The following USH2A variants were observed in gnomAD, a reference collection of about 807,000 sequenced individuals.
The protein encoded by USH2A is usherin, also known as Usher syndrome 2A (autosomal recessive, mild).
A neutral mutation model predicts 538.9 loss-of-function variants in USH2A; 443 were observed. The ratio of observed to expected loss-of-function variants is 0.82; its 90% CI spans 0.76 to 0.89. The LOEUF (loss-of-function observed/expected upper bound fraction) is 0.89, where lower values mean the gene tolerates loss of function less well. USH2A is among the 40% of genes least tolerant of loss of function. The pLI is 0.00. For missense variants in USH2A, 6,633 were observed against 6,324.8 expected (o/e 1.05, Z -1.65); for synonymous variants, 2,413 against 2,273.5 (o/e 1.06, Z -1.75).
intron 50 of USH2A, among the ~76,000 whole-genome samples, chr1:215,796,544 G>C (rs1429141890): frequency 6.6e-6 from 1 of 151,972 alleles, no homozygotes; most frequent in African/African-American, 2.4e-5. Context: ...TAGTTGATGA[G>C]CGTCCTGTGT....
intron 20 of USH2A, among the ~76,000 whole-genome samples, chr1:216,178,403 A>T (rs925745275): frequency 6.6e-6 from 1 of 152,204 alleles, no homozygotes. Flanking sequence ...AAAACAAAAT[A>T]AAAGGCTAAG....
chr1:215,980,431 C>G, intron 35 of USH2A, among the ~76,000 whole-genome samples: 1 of 152,034 alleles, frequency 6.6e-6, no homozygotes, highest in East Asian at 1.9e-4. Flanking sequence ...TTAAAAATCA[C>G]GTAATAAAAC....
chr1:215,968,087 C>G (rs1424623271), intron 36 of USH2A, among the ~76,000 whole-genome samples: 8 of 152,150 alleles, frequency 5.3e-5, no homozygotes, highest in Non-Finnish European at 8.8e-5. Flanking sequence ...GGGTTTCCCT[C>G]TAATACAATT....
Position 216,189,718 on chromosome 1 carries a change from C to T in USH2A, c.4396+505G>A, listed in dbSNP as rs558974897. On this transcript the variant is annotated intron_variant, in intron 20 of 71. Transcript: ENST00000307340. The stretch of plus-strand genomic sequence containing the variant: ...AAGCCAAATATAACACCAGGCCACA[C>T]AGTAATTTCTAGATGTTCCCATGGA... 2.6e-5 allele frequency among the ~76,000 whole-genome samples: 4 copies of T among 151,946 alleles called. No individual in the cohort carries two copies. The East Asian group carries it at 5.9e-4, about 22-fold the overall frequency.
chr1:215,960,064 A>C (rs1667161067), intron 37 of USH2A, among the ~76,000 whole-genome samples: 1 of 152,170 alleles, frequency 6.6e-6, no homozygotes, highest in African/African-American at 2.4e-5. Context: ...AGTAGTAAAG[A>C]AGCTGCCATT....
chr1:216,331,386 C>T (rs2037860792), intron 4 of USH2A, among the ~76,000 whole-genome samples: 1 of 152,062 alleles, frequency 6.6e-6, no homozygotes, highest in African/African-American at 2.4e-5. Context: ...GACCTCATAG[C>T]TGTCTAGTCA....
At chr1:215,810,635 C>T (rs1662642948) in intron 49 of USH2A, among the ~76,000 whole-genome samples, 2 of 152,146 alleles carry the variant, frequency 1.3e-5, no homozygotes, top group African/African-American at 4.8e-5. Flanking sequence ...AAACGTCCAT[C>T]TGATCACTGT....
intron 30 of USH2A, among the ~76,000 whole-genome samples, chr1:216,059,775 T>G (rs2031111739): frequency 6.6e-6 from 1 of 152,098 alleles, no homozygotes; most frequent in Non-Finnish European, 1.5e-5. Flanking sequence ...GTTTTTTCTT[T>G]GTTGTTGTTG....
chr1:215,627,178 A>C (rs1571912989), intron 71 of USH2A, among the ~76,000 whole-genome samples: 1 of 152,282 alleles, frequency 6.6e-6, no homozygotes, highest in African/African-American at 2.4e-5. Context: ...TAGTCAAGAA[A>C]GGCTTCATGG....
chr1:216,064,990 C>CA (rs900779472), intron 30 of USH2A, among the ~76,000 whole-genome samples: 4 of 152,008 alleles, frequency 2.6e-5, no homozygotes, highest in African/African-American at 4.8e-5. Flanking sequence ...AAAATTCAAA[C>CA]AAAAAAATCT....
intron 21 of USH2A, 88 bp downstream of exon 21, chr1:216,175,164 T>C: frequency 1.3e-6 from 2 of 1,576,558 alleles, no homozygotes; most frequent in Non-Finnish European, 1.7e-6. Context: ...GTAGGTATAA[T>C]AAAAATTCAT....
intron 70 of USH2A, among the ~76,000 whole-genome samples, chr1:215,630,998 AACTTAGCTAT>A (rs1445459895): frequency 3.3e-5 from 5 of 152,200 alleles, no homozygotes; most frequent in Non-Finnish European, 7.3e-5. Flanking sequence ...GCAAAACTTA[AACTTAGCTAT>A]ACTGTATACT....
chr1:215,692,206 C>A (rs531612888), intron 61 of USH2A, among the ~76,000 whole-genome samples: 22 of 152,028 alleles, frequency 1.4e-4, no homozygotes, highest in African/African-American at 4.8e-4. Context: ...AGGACAGAAA[C>A]CTGGTTGGAG....
chr1:216,194,239 T>C (rs1010597832), intron 19 of USH2A: 9 of 152,070 alleles, frequency 5.9e-5, no homozygotes, highest in African/African-American at 2.2e-4. Flanking sequence ...GGTAGAGTAC[T>C]AACAGTCCAC....
At chr1:216,243,181 T>C (rs899439229) in intron 13 of USH2A, among the ~76,000 whole-genome samples, 16 of 152,154 alleles carry the variant, frequency 1.1e-4, no homozygotes, top group Non-Finnish European at 2.2e-4. Context: ...AGTGAGTCTA[T>C]AAGGCAAAGC....
intron 47 of USH2A, among the ~76,000 whole-genome samples, chr1:215,835,919 CTT>C (rs1422002707): frequency 9.9e-5 from 15 of 151,948 alleles, no homozygotes; most frequent in Admixed American, 9.8e-4. Flanking sequence ...GTATAATACT[CTT>C]TTTAATGTTT....
chr1:216,004,461 A>T (rs1408393427), intron 32 of USH2A, among the ~76,000 whole-genome samples: 1 of 152,164 alleles, frequency 6.6e-6, no homozygotes, highest in East Asian at 1.9e-4. Context: ...AAATAAGATG[A>T]GAATTAAAAA....
At chr1:216,305,534 T>C (rs965035770) in intron 9 of USH2A, among the ~76,000 whole-genome samples, 1 of 152,160 alleles carries the variant, frequency 6.6e-6, no homozygotes, top group African/African-American at 2.4e-5. Flanking sequence ...GGATGTGAGA[T>C]GCCTTTCTAT....
chr1:215,934,587 T>C lies in USH2A; in HGVS notation c.7300+29A>G, dbSNP rs41277208. On this transcript the variant is annotated intron_variant, in intron 38 of 71. Transcript: ENST00000307340. ...TTAATTCTAGGGCATTTATATAAAA[T>C]TAGATAGCCAACATTTGCATAGACT... 0.029 allele frequency: 46,461 copies of C among 1,605,678 alleles called. 872 individuals are homozygous for C. The highest frequency in any genetic ancestry group is 0.034 in the Non-Finnish European group (39,422 of 1,173,988).
Sources: allele counts gnomAD v4.1 joint callset (sites outside exome capture counted in the v4.1 genomes callset), GRCh38; gene constraint gnomAD v4.1.1; transcripts MANE v1.5; gene names NCBI Gene and HGNC (gene_info 2026-07-23, HGNC 2026-07-21).